CSMD1: variants seen among roughly 807,000 people sequenced by gnomAD.
CSMD1 encodes CUB and Sushi multiple domains 1.
A neutral mutation model predicts 417.5 loss-of-function variants in CSMD1; 213 were observed. That is an observed-to-expected ratio of 0.51 (90% CI 0.46 to 0.57). The LOEUF (loss-of-function observed/expected upper bound fraction) is 0.57, where lower values mean the gene tolerates loss of function less well. Ranked by LOEUF, CSMD1 falls within the 20% of genes least tolerant of loss-of-function variation. The pLI is 0.00. For missense variants in CSMD1, 6,923 were observed against 4,529.7 expected (o/e 1.53, Z -15.17); for synonymous variants, 2,862 against 1,736.8 (o/e 1.65, Z -16.11).
chr8:2,955,112 G>T (rs1029955696), intron 64 of CSMD1, among the ~76,000 whole-genome samples: 2 of 152,172 alleles, frequency 1.3e-5, no homozygotes, highest in African/African-American at 4.8e-5. Context: ...TTAAAAAGCA[G>T]AATCAATGTC....
chr8:4,913,500 C>A (rs73507945), intron 1 of CSMD1, among the ~76,000 whole-genome samples: 3,646 of 152,144 alleles, frequency 0.024, 131 homozygotes, highest in African/African-American at 0.083. Flanking sequence ...AAAACTACCC[C>A]CATATGTCTT....
intron 1 of CSMD1, among the ~76,000 whole-genome samples, chr8:4,855,938 G>T (rs1004552001): frequency 2.0e-5 from 3 of 149,974 alleles, no homozygotes; most frequent in African/African-American, 7.4e-5. Flanking sequence ...TCCTCGAGAA[G>T]AGCAACTCCA....
intron 3 of CSMD1, among the ~76,000 whole-genome samples, chr8:4,395,440 T>C (rs1459604017): frequency 6.6e-6 from 1 of 151,658 alleles, no homozygotes; most frequent in Non-Finnish European, 1.5e-5. Flanking sequence ...AGAAAAGCAG[T>C]CTCTCATCAA....
intron 3 of CSMD1, among the ~76,000 whole-genome samples, chr8:4,073,284 G>C (rs1002598029): frequency 6.6e-6 from 1 of 152,172 alleles, no homozygotes; most frequent in African/African-American, 2.4e-5. Context: ...AGAGTTGAAA[G>C]AAGAGAGTAA....
At chr8:4,854,834 G>C (rs954823368) in intron 1 of CSMD1, among the ~76,000 whole-genome samples, 110 of 152,308 alleles carry the variant, frequency 7.2e-4, no homozygotes, top group African/African-American at 2.5e-3. Context: ...GCGAGGCTGG[G>C]GGAGGGGCGC....
intron 4 of CSMD1, among the ~76,000 whole-genome samples, chr8:4,009,758 C>G (rs1816401361): frequency 6.6e-6 from 1 of 152,136 alleles, no homozygotes; most frequent in South Asian, 2.1e-4. Context: ...CCTCCAGGAG[C>G]CAGAATGAAA....
At chr8:4,082,351 G>C (rs1281025978) in intron 3 of CSMD1, among the ~76,000 whole-genome samples, 1 of 152,024 alleles carries the variant, frequency 6.6e-6, no homozygotes, top group East Asian at 1.9e-4. Flanking sequence ...TAAAATGACA[G>C]GCCCAGATGG....
chr8:4,852,900 G>T (rs937082531), intron 1 of CSMD1, among the ~76,000 whole-genome samples: 1 of 152,168 alleles, frequency 6.6e-6, no homozygotes, highest in African/African-American at 2.4e-5. Flanking sequence ...ATCTGTGGAA[G>T]GTTGAGCTTA....
At chr8:3,598,092 C>A (rs771854202) in intron 8 of CSMD1, among the ~76,000 whole-genome samples, 1 of 152,178 alleles carries the variant, frequency 6.6e-6, no homozygotes, top group Non-Finnish European at 1.5e-5. Context: ...TTATATTAAT[C>A]TTGGGTCATT....
At chr8:3,618,233 T>C (rs1802241704) in intron 7 of CSMD1, among the ~76,000 whole-genome samples, 1 of 152,170 alleles carries the variant, frequency 6.6e-6, no homozygotes, top group Admixed American at 6.6e-5. Context: ...CTCAAACTCC[T>C]GGCTCAAGTG....
chr8:4,468,011 A>G (rs1294142382), intron 2 of CSMD1, among the ~76,000 whole-genome samples: 2 of 152,120 alleles, frequency 1.3e-5, no homozygotes, highest in African/African-American at 4.8e-5. Context: ...TTGTGTAGTG[A>G]TAACCCCATC....
intron 3 of CSMD1, among the ~76,000 whole-genome samples, chr8:4,144,853 G>A (rs921792369): frequency 6.6e-6 from 1 of 150,918 alleles, no homozygotes; most frequent in East Asian, 1.9e-4. Flanking sequence ...GGAACCAGGG[G>A]AATTGTGTCC....
chr8:3,929,721 G>A (rs1031754569), intron 5 of CSMD1, among the ~76,000 whole-genome samples: 5 of 149,678 alleles, frequency 3.3e-5, no homozygotes, highest in African/African-American at 7.4e-5. Context: ...GAGTGCATTG[G>A]CACAATCTCG....
intron 3 of CSMD1, among the ~76,000 whole-genome samples, chr8:4,119,895 G>A (rs751641686): frequency 1.6e-4 from 24 of 152,204 alleles, no homozygotes; most frequent in Non-Finnish European, 2.8e-4. Flanking sequence ...GACAGTTGCC[G>A]GAGTCTGGTA....
At chr8:4,442,282 AAATT>A (rs1798529454) in intron 2 of CSMD1, among the ~76,000 whole-genome samples, 1 of 152,178 alleles carries the variant, frequency 6.6e-6, no homozygotes, top group South Asian at 2.1e-4. Context: ...AACAGTAAAA[AAATT>A]ATTAAAAGTT....
intron 2 of CSMD1, among the ~76,000 whole-genome samples, chr8:4,431,804 T>C (rs188207610): frequency 2.0e-5 from 3 of 152,212 alleles, no homozygotes; most frequent in Admixed American, 1.3e-4. Context: ...GCTTAATAAG[T>C]TGGTAACATA....
intron 3 of CSMD1, among the ~76,000 whole-genome samples, chr8:4,298,341 C>T (rs182748260): frequency 6.6e-6 from 1 of 152,132 alleles, no homozygotes; most frequent in Non-Finnish European, 1.5e-5. Context: ...CAAAAACGCT[C>T]CATGACATCA....
intron 46 of CSMD1, among the ~76,000 whole-genome samples, chr8:3,097,276 C>A (rs1223238078): frequency 6.6e-6 from 1 of 152,158 alleles, no homozygotes; most frequent in East Asian, 1.9e-4. Context: ...TTGGCCCCTG[C>A]ATCTCCCACA....
At chr8:4,156,471 A>G (rs1464911634) in intron 3 of CSMD1, among the ~76,000 whole-genome samples, 2 of 152,176 alleles carry the variant, frequency 1.3e-5, no homozygotes, top group Non-Finnish European at 2.9e-5. Context: ...TCTTTTATTG[A>G]GCATTTTTAT....
Sources: gnomAD v4.1 joint callset for allele counts (sites outside exome capture counted in the v4.1 genomes callset) on GRCh38, gnomAD v4.1.1 for gene constraint, MANE v1.5 for transcripts, NCBI Gene and HGNC (gene_info 2026-07-23, HGNC 2026-07-21) for gene names.